Variants in IL1RAPL2 observed in about 807,000 individuals in gnomAD.
IL1RAPL2 encodes the protein interleukin 1 receptor accessory protein like 2.
A neutral mutation model predicts 44.1 loss-of-function variants in IL1RAPL2; 3 were observed. The observed-to-expected ratio is 0.07, with a 90% CI of 0.03 to 0.18. The LOEUF is 0.18. Ranked by LOEUF, IL1RAPL2 falls within the 10% of genes least tolerant of loss-of-function variation. IL1RAPL2 has a pLI of 1.00. For missense variants in IL1RAPL2, 391 were observed against 496.4 expected, an observed-to-expected ratio of 0.79 and a Z score of 2.02; for synonymous variants, 181 against 178.8, an observed-to-expected ratio of 1.01 and a Z score of -0.10.
chrX:105,341,108 T>G (rs771396099), intron 5 of IL1RAPL2, among the ~76,000 whole-genome samples: 1 of 111,793 alleles, frequency 8.9e-6, no homozygotes, highest in African/African-American at 3.2e-5. Flanking sequence ...CACAGACTTT[T>G]TTGTTCCCTG....
At chrX:105,702,244 G>T (rs1380855293) in intron 6 of IL1RAPL2, among the ~76,000 whole-genome samples, 1 of 111,322 alleles carries the variant, frequency 9.0e-6, no homozygotes, top group Admixed American at 9.6e-5. Context: ...CATTCCTGTT[G>T]TGAATAATCG....
chrX:105,513,325 A>G (rs2036485678), intron 6 of IL1RAPL2, among the ~76,000 whole-genome samples: 1 of 111,464 alleles, frequency 9.0e-6, no homozygotes, highest in Non-Finnish European at 1.9e-5. Flanking sequence ...CTAGTTCTAG[A>G]TCCTTGAGGA....
At chrX:105,047,933 T>G (rs1484934405) in intron 2 of IL1RAPL2, among the ~76,000 whole-genome samples, 1 of 110,614 alleles carries the variant, frequency 9.0e-6, no homozygotes, top group African/African-American at 3.3e-5. Context: ...AGAAGAGAGA[T>G]AGAAAGAAAT....
chrX:105,356,628 A>G (rs2147708330), intron 5 of IL1RAPL2, among the ~76,000 whole-genome samples: 1 of 112,337 alleles, frequency 8.9e-6, no homozygotes, highest in East Asian at 2.8e-4. Context: ...CTTACTTAGA[A>G]GGGCATTACC....
chrX:105,162,944 G>C (rs1470239373), intron 2 of IL1RAPL2, among the ~76,000 whole-genome samples: 2 of 111,275 alleles, frequency 1.8e-5, no homozygotes, highest in Non-Finnish European at 3.8e-5. Context: ...CATGTTGGGA[G>C]TTACAATTTT....
intron 2 of IL1RAPL2, among the ~76,000 whole-genome samples, chrX:105,003,513 C>T (rs961297754): frequency 9.0e-6 from 1 of 110,687 alleles, no homozygotes; most frequent in Non-Finnish European, 1.9e-5. Flanking sequence ...TGCATGCCTC[C>T]CCCTCCCGAA....
intron 6 of IL1RAPL2, among the ~76,000 whole-genome samples, chrX:105,607,635 CAAAAAAAAAAAA>C (rs11377516): frequency 2.4e-3 from 37 of 15,721 alleles, no homozygotes; most frequent in African/African-American, 1.6e-3. Flanking sequence ...ATTCAGCAGA[CAAAAAAAAAAAA>C]AAAAAAAAAA....
intron 5 of IL1RAPL2, among the ~76,000 whole-genome samples, chrX:105,394,785 C>T (rs2035550302): frequency 9.0e-6 from 1 of 111,209 alleles, no homozygotes; most frequent in African/African-American, 3.3e-5. Flanking sequence ...TCTACAGAAG[C>T]TATGCTCATT....
chrX:105,460,032 C>T (rs1011430700), intron 5 of IL1RAPL2, among the ~76,000 whole-genome samples: 1 of 111,235 alleles, frequency 9.0e-6, no homozygotes, highest in Non-Finnish European at 1.9e-5. Context: ...TAATCCTTTG[C>T]CAGCAGATTG....
At chrX:104,726,579 C>A (rs1931797761) in intron 2 of IL1RAPL2, among the ~76,000 whole-genome samples, 1 of 110,797 alleles carries the variant, frequency 9.0e-6, no homozygotes, top group Non-Finnish European at 1.9e-5. Context: ...TTTAGTTATC[C>A]TTAAAGAGGT....
intron 2 of IL1RAPL2, among the ~76,000 whole-genome samples, chrX:104,896,946 C>A (rs991788863): frequency 9.0e-6 from 1 of 111,423 alleles, no homozygotes; most frequent in Non-Finnish European, 1.9e-5. Flanking sequence ...CGGCTTCACT[C>A]CTGAAATCAA....
At chrX:104,677,804 C>A (rs975101860) in intron 2 of IL1RAPL2, among the ~76,000 whole-genome samples, 1 of 112,055 alleles carries the variant, frequency 8.9e-6, no homozygotes. Context: ...CGTGGTGCGC[C>A]GTTTTTTAAG....
At chrX:104,777,388 A>T (rs934479579) in intron 2 of IL1RAPL2, among the ~76,000 whole-genome samples, 6 of 109,861 alleles carry the variant, frequency 5.5e-5, no homozygotes, top group African/African-American at 2.0e-4. Flanking sequence ...CTTCCTTTTT[A>T]AAGCTAAGTA....
intron 1 of IL1RAPL2, among the ~76,000 whole-genome samples, chrX:104,657,782 A>C (rs1336570512): frequency 9.0e-6 from 1 of 111,076 alleles, no homozygotes; most frequent in Non-Finnish European, 1.9e-5. Flanking sequence ...ACAAGAAAAA[A>C]AAACCCATCA....
chrX:104,945,154 A>G (rs952591321), intron 2 of IL1RAPL2, among the ~76,000 whole-genome samples: 1 of 111,393 alleles, frequency 9.0e-6, no homozygotes, highest in African/African-American at 3.3e-5. Flanking sequence ...AATAAATGCT[A>G]GTTCAATTGG....
intron 5 of IL1RAPL2, among the ~76,000 whole-genome samples, chrX:105,344,620 A>G (rs1487089330): frequency 4.5e-5 from 5 of 111,980 alleles, no homozygotes; most frequent in Non-Finnish European, 7.5e-5. Context: ...TCAATCCAGT[A>G]TAGTTCATTC....
At chrX:105,708,443 AT>A (rs1237062323) in intron 6 of IL1RAPL2, among the ~76,000 whole-genome samples, 3 of 111,476 alleles carry the variant, frequency 2.7e-5, no homozygotes, top group African/African-American at 9.8e-5. Flanking sequence ...GTATTGATTC[AT>A]TTTTTTTCCA....
intron 1 of IL1RAPL2, among the ~76,000 whole-genome samples, chrX:104,589,850 AC>A (rs890450812): frequency 1.8e-5 from 2 of 111,261 alleles, no homozygotes; most frequent in Non-Finnish European, 3.8e-5. Flanking sequence ...TATCAGATTG[AC>A]CCTTTGTTCC....
chrX:105,329,139 T>G (rs2147692805), intron 5 of IL1RAPL2, among the ~76,000 whole-genome samples: 3 of 112,482 alleles, frequency 2.7e-5, no homozygotes, highest in South Asian at 3.7e-4. Flanking sequence ...CAAAGTTCAT[T>G]AATCAACAGA....
Sources: allele counts gnomAD v4.1 joint callset (sites outside exome capture counted in the v4.1 genomes callset), GRCh38; gene constraint gnomAD v4.1.1; transcripts MANE v1.5; gene names NCBI Gene and HGNC (gene_info 2026-07-23, HGNC 2026-07-21).